Variants in YPEL2 observed in about 807,000 individuals in gnomAD.
YPEL2 encodes protein yippee-like 2.
In YPEL2, 2 loss-of-function variants were observed where a neutral mutation model predicts 19.1. The ratio of observed to expected loss-of-function variants is 0.10; its 90% confidence interval spans 0.04 to 0.33. YPEL2 has a LOEUF of 0.33. YPEL2 is among the 10% of genes least tolerant of loss of function. YPEL2 has a pLI of 1.00. For synonymous variants in YPEL2, 52 were observed against 50.0 expected, an observed-to-expected ratio of 1.04 and a Z score of -0.17; for missense variants, 66 against 140.7, an observed-to-expected ratio of 0.47 and a Z score of 2.68.
intron 1 of YPEL2, among the ~76,000 whole-genome samples, chr17:59,348,286 G>C (rs1182095955): frequency 6.6e-6 from 1 of 152,246 alleles, no homozygotes; most frequent in Non-Finnish European, 1.5e-5. Flanking sequence ...CCTTCCTGTA[G>C]AGAGTCCCAC....
At chr17:59,385,764 C>G (rs2047976702) in intron 2 of YPEL2, among the ~76,000 whole-genome samples, 1 of 152,002 alleles carries the variant, frequency 6.6e-6, no homozygotes, top group Non-Finnish European at 1.5e-5. Flanking sequence ...CAAAACTCAT[C>G]CAATAGTACA....
At chr17:59,390,251 G>A (rs188733563) in intron 4 of YPEL2, among the ~76,000 whole-genome samples, 6 of 152,060 alleles carry the variant, frequency 3.9e-5, no homozygotes, top group East Asian at 3.9e-4. Context: ...ATCCACCCCC[G>A]TCAGGCTCCC....
chr17:59,387,257 T>TCAAAA (rs1555571964), intron 2 of YPEL2, among the ~76,000 whole-genome samples: 8 of 77,540 alleles, frequency 1.0e-4, no homozygotes, highest in South Asian at 4.6e-4. Context: ...AGACTCCATC[T>TCAAAA]AAAAAAAAAA....
In YPEL2 at chr17:59,400,562, C is replaced by T. The variant is rs900077158; in HGVS notation, c.*3372C>T. 1 of 151,858 alleles carries T rather than the reference C, an allele frequency of 6.6e-6. No homozygotes were observed. The highest frequency in any genetic ancestry group is 1.5e-5 in the Non-Finnish European group (1 of 67,902). The allele number at this position is 151,858 out of a possible 1,614,324, so 9.4% of individuals were successfully genotyped here. ...AAGCAATGCCTCTCTGCATTTTTTC[C>T]CCAGTGGAACAGACTCTGCAGTACA... is the stretch of plus-strand genomic sequence containing the variant. On this transcript the variant is annotated 3_prime_UTR_variant, in exon 5 of 5. Coordinates refer to ENST00000312655, the MANE Select transcript of YPEL2 (RefSeq NM_001005404.4).
rs568288452 is a variant in YPEL2, at chr17:59,372,021, T to C, written c.118-16306T>C. ...GCTGGCTATAGGAATTATTACATTA[T>C]GTGGAGTACTTGATATCCCAGACAG... On this transcript the variant is annotated intron_variant, in intron 2 of 4. Transcript: ENST00000312655. Among the ~76,000 whole-genome samples, 7 of 152,274 alleles carry C rather than the reference T, an allele frequency of 4.6e-5. No homozygotes were observed. In the South Asian group the frequency reaches 1.4e-3, roughly 32 times the overall value.
At chr17:59,384,205 T>C (rs192706161) in intron 2 of YPEL2, among the ~76,000 whole-genome samples, 40 of 152,360 alleles carry the variant, frequency 2.6e-4, no homozygotes, top group African/African-American at 8.7e-4. Flanking sequence ...TTTTATGGAT[T>C]GTGTTTCTGG....
At chr17:59,338,491 G>T (rs1325747236) in intron 1 of YPEL2, among the ~76,000 whole-genome samples, 1 of 152,198 alleles carries the variant, frequency 6.6e-6, no homozygotes, top group East Asian at 1.9e-4. Context: ...GGAATATTTT[G>T]ATCCCTATTT....
At chr17:59,378,069 G>T (rs1039510318) in intron 2 of YPEL2, among the ~76,000 whole-genome samples, 4 of 152,130 alleles carry the variant, frequency 2.6e-5, no homozygotes, top group Non-Finnish European at 5.9e-5. Flanking sequence ...TATACAGCTA[G>T]TGAGGGCTGG....
At chr17:59,376,137 C>A (rs2047919767) in intron 2 of YPEL2, among the ~76,000 whole-genome samples, 1 of 152,170 alleles carries the variant, frequency 6.6e-6, no homozygotes, top group African/African-American at 2.4e-5. Context: ...TGGGATGACA[C>A]CTTCATGACC....
chr17:59,397,037 A>G (rs1049565893), intron 4 of YPEL2, 64 bp from the exon 5 acceptor site: 1 of 1,313,506 alleles, frequency 7.6e-7, no homozygotes, highest in Non-Finnish European at 1.0e-6. Context: ...TCAAAAAAGA[A>G]AAAAAAAATC....
chr17:59,392,732 T>C (rs910651167), intron 4 of YPEL2, among the ~76,000 whole-genome samples: 1 of 152,132 alleles, frequency 6.6e-6, no homozygotes, highest in Non-Finnish European at 1.5e-5. Flanking sequence ...CAGGCTGGTC[T>C]CGAACTCCTC....
intron 2 of YPEL2, among the ~76,000 whole-genome samples, chr17:59,365,407 C>T (rs2047863349): frequency 6.6e-6 from 1 of 152,192 alleles, no homozygotes; most frequent in African/African-American, 2.4e-5. Context: ...CCTGTCCCTG[C>T]CTCCTTCCCT....
chr17:59,379,539 A>G (rs558076418), intron 2 of YPEL2, among the ~76,000 whole-genome samples: 86 of 152,304 alleles, frequency 5.6e-4, no homozygotes, highest in African/African-American at 2.0e-3. Context: ...GTTAAAATGT[A>G]TAGTGCCTGG....
chr17:59,371,016 A>G (rs1390406425), intron 2 of YPEL2, among the ~76,000 whole-genome samples: 1 of 151,824 alleles, frequency 6.6e-6, no homozygotes, highest in Non-Finnish European at 1.5e-5. Flanking sequence ...GCACACTGGG[A>G]GGAGGGATTC....
chr17:59,382,967 C>T lies in YPEL2; in HGVS notation c.118-5360C>T, dbSNP rs185993024. 1.6e-4 allele frequency among the ~76,000 whole-genome samples: 24 copies of T among 151,946 alleles called. 1 individual carries two copies. The highest frequency in any genetic ancestry group is 9.2e-4 in the Admixed American group (14 of 15,268). ...ACTGAAAAGTGTTCTTACAATATTT[C>T]GGAAAAATCCTTCACAAATATAATT... On this transcript the variant is annotated intron_variant, in intron 2 of 4. Coordinates refer to ENST00000312655, the MANE Select transcript of YPEL2 (RefSeq NM_001005404.4).
chr17:59,355,414 C>G (rs1567739065), intron 2 of YPEL2: 1 of 152,188 alleles, frequency 6.6e-6, no homozygotes, highest in Non-Finnish European at 1.5e-5. Flanking sequence ...TTTGGCCTGG[C>G]ATACAAGGCC....
intron 2 of YPEL2, among the ~76,000 whole-genome samples, chr17:59,358,907 C>CAG: frequency 7.2e-6 from 1 of 137,966 alleles, no homozygotes; most frequent in East Asian, 2.1e-4. Context: ...TGCACCTGGC[C>CAG]TTTTTTTTTT....
chr17:59,339,102 GC>G (rs869226073), intron 1 of YPEL2, among the ~76,000 whole-genome samples: 1 of 127,894 alleles, frequency 7.8e-6, no homozygotes, highest in African/African-American at 2.8e-5. Context: ...GGATATCTGC[GC>G]CCCCCACCCC....
chr17:59,338,060 G>T (rs1253638234), intron 1 of YPEL2, among the ~76,000 whole-genome samples: 1 of 152,200 alleles, frequency 6.6e-6, no homozygotes, highest in Non-Finnish European at 1.5e-5. Flanking sequence ...CTGCATTCCT[G>T]TTACCTGGAT....
Sources: gnomAD v4.1 joint callset for allele counts (sites outside exome capture counted in the v4.1 genomes callset) on GRCh38, gnomAD v4.1.1 for gene constraint, MANE v1.5 for transcripts, NCBI Gene and HGNC (gene_info 2026-07-23, HGNC 2026-07-21) for gene names.